MCTP1: variants seen among roughly 807,000 people sequenced by gnomAD.
MCTP1 encodes multiple C2 and transmembrane domain-containing protein 1.
In MCTP1, 69 loss-of-function variants were observed where a neutral mutation model predicts 120.6. That is an observed-to-expected ratio of 0.57 (90% CI 0.47 to 0.70). The LOEUF is 0.70. Ranked by LOEUF, MCTP1 falls within the 30% of genes least tolerant of loss-of-function variation. The pLI is 0.00. For synonymous variants in MCTP1, 529 were observed against 493.1 expected, an observed-to-expected ratio of 1.07 and a Z score of -0.96; for missense variants, 1,203 against 1,248.8, an observed-to-expected ratio of 0.96 and a Z score of 0.55.
chr5:95,165,188 CTG>C (rs1384796067), intron 1 of MCTP1, among the ~76,000 whole-genome samples: 1 of 152,118 alleles, frequency 6.6e-6, no homozygotes, highest in Admixed American at 6.5e-5. Flanking sequence ...GGTGAAAAGT[CTG>C]TGCCTCAGCA....
chr5:95,095,940 G>C (rs945668765), intron 1 of MCTP1, among the ~76,000 whole-genome samples: 2 of 152,114 alleles, frequency 1.3e-5, no homozygotes, highest in Non-Finnish European at 1.5e-5. Flanking sequence ...TGGCCCTGAG[G>C]GGGAAACGAG....
At chr5:95,205,021 G>A (rs565537283) in intron 1 of MCTP1, among the ~76,000 whole-genome samples, 5 of 152,132 alleles carry the variant, frequency 3.3e-5, no homozygotes, top group African/African-American at 1.2e-4. Flanking sequence ...AAAGGAACCA[G>A]AATAGCCAAA....
At chr5:94,849,761 G>A (rs953747181) in intron 17 of MCTP1, among the ~76,000 whole-genome samples, 1 of 152,000 alleles carries the variant, frequency 6.6e-6, no homozygotes, top group African/African-American at 2.4e-5. Flanking sequence ...AGAAATAAAG[G>A]TGCTTTTTGG....
At chr5:95,249,554 C>T (rs999582234) in intron 1 of MCTP1, among the ~76,000 whole-genome samples, 10 of 151,930 alleles carry the variant, frequency 6.6e-5, no homozygotes, top group African/African-American at 1.5e-4. Context: ...TTTTCACTGT[C>T]GGTGGGAGTG....
chr5:94,819,754 C>T (rs1690126048), intron 17 of MCTP1, among the ~76,000 whole-genome samples: 1 of 152,184 alleles, frequency 6.6e-6, no homozygotes, highest in Admixed American at 6.5e-5. Context: ...AAAATTTTAC[C>T]TAACAGCAGG....
chr5:94,806,429 A>G (rs1427229011), intron 17 of MCTP1, among the ~76,000 whole-genome samples: 1 of 152,220 alleles, frequency 6.6e-6, no homozygotes, highest in Non-Finnish European at 1.5e-5. Context: ...TCCAAATTTT[A>G]AGATTTTTAT....
rs1343258058 is a variant in MCTP1 at position 94,705,670 on chromosome 5, A to G, written c.*1826T>C. ...TGTTAATGGTTACTATCCACTAGAT[A>G]CATCTGAGGTTGTAGAATATCAGGC... On this transcript the variant is annotated 3_prime_UTR_variant, in exon 23 of 23. Transcript: ENST00000515393. 1 of 151,676 alleles carries G rather than the reference A, an allele frequency of 6.6e-6. No homozygotes were observed. The highest frequency in any genetic ancestry group is 1.5e-5 in the Non-Finnish European group (1 of 67,746). The allele number at this position is 151,676 out of a possible 1,614,324, so 9.4% of individuals were successfully genotyped here.
intron 17 of MCTP1, among the ~76,000 whole-genome samples, chr5:94,845,089 C>T (rs909595457): frequency 1.3e-5 from 2 of 152,060 alleles, no homozygotes; most frequent in African/African-American, 2.4e-5. Context: ...GACAAAAGAT[C>T]GAATATCCAG....
chr5:95,019,848 C>T (rs1223315104), intron 1 of MCTP1, among the ~76,000 whole-genome samples: 1 of 151,954 alleles, frequency 6.6e-6, no homozygotes, highest in Non-Finnish European at 1.5e-5. Flanking sequence ...CAGAAGATTC[C>T]AACTTGGAAA....
intron 12 of MCTP1, among the ~76,000 whole-genome samples, chr5:94,881,894 T>C (rs558807787): frequency 6.6e-6 from 1 of 152,190 alleles, no homozygotes; most frequent in African/African-American, 2.4e-5. Flanking sequence ...TTAGTCAATG[T>C]CCTTCTTTAA....
intron 1 of MCTP1, among the ~76,000 whole-genome samples, chr5:95,234,561 A>G (rs1175027069): frequency 6.6e-6 from 1 of 152,210 alleles, no homozygotes; most frequent in Middle Eastern, 3.2e-3. Flanking sequence ...CAACGCAGTT[A>G]TTGCTGTGAG....
intron 1 of MCTP1, among the ~76,000 whole-genome samples, chr5:95,221,725 A>G (rs1753720627): frequency 6.6e-6 from 1 of 152,210 alleles, no homozygotes; most frequent in South Asian, 2.1e-4. Flanking sequence ...TGTTGAGGTG[A>G]CAGACAATAG....
intron 11 of MCTP1, among the ~76,000 whole-genome samples, chr5:94,893,410 C>G (rs1313728117): frequency 6.6e-6 from 1 of 152,166 alleles, no homozygotes; most frequent in Non-Finnish European, 1.5e-5. Context: ...GTGGATACCA[C>G]AGTGTAAAAT....
At chr5:94,947,593 G>T (rs866328980) in intron 3 of MCTP1, among the ~76,000 whole-genome samples, 1,381 of 72,736 alleles carry the variant, frequency 0.019, 35 homozygotes, top group Middle Eastern at 0.044. Flanking sequence ...GAGAGAGAGA[G>T]AGAGAGAGAG....
At chr5:95,026,703 T>C (rs1360740870) in intron 1 of MCTP1, among the ~76,000 whole-genome samples, 2 of 152,162 alleles carry the variant, frequency 1.3e-5, no homozygotes, top group African/African-American at 4.8e-5. Flanking sequence ...TTCTAGGGAA[T>C]TTCCTGGTGT....
At chr5:94,791,112 CAAAAAAAAAAA>C (rs60394333) in intron 18 of MCTP1, among the ~76,000 whole-genome samples, 8 of 99,662 alleles carry the variant, frequency 8.0e-5, no homozygotes, top group Non-Finnish European at 1.1e-4. Context: ...GTCTCTACTA[CAAAAAAAAAAA>C]AAAAAAAAAA....
intron 2 of MCTP1, among the ~76,000 whole-genome samples, chr5:95,008,072 A>C (rs1408256984): frequency 1.3e-5 from 2 of 152,214 alleles, no homozygotes; most frequent in African/African-American, 2.4e-5. Flanking sequence ...TGTGATAAAA[A>C]GTTTCCTTTG....
rs1246070702 is a variant in MCTP1 at position 94,856,116 on chromosome 5, TACACTA to T, written c.2436+12211_2436+12216del. ...CTGGGGAAAATTATATAGTGTTTTA[TACACTA>T]ACACTATGACATTTTTATTAACTCA... is the stretch of plus-strand genomic sequence containing the variant. On this transcript the variant is annotated intron_variant, in intron 17 of 22. Transcript: ENST00000515393. Among the ~76,000 whole-genome samples the T allele has an allele frequency of 5.9e-5, 9 of 151,758 alleles. No homozygotes were observed. In the East Asian group the frequency reaches 7.7e-4, roughly 13 times the overall value.
At chr5:94,949,391 C>A (rs1188348523) in intron 3 of MCTP1, among the ~76,000 whole-genome samples, 1 of 152,122 alleles carries the variant, frequency 6.6e-6, no homozygotes, top group Non-Finnish European at 1.5e-5. Flanking sequence ...CTCCCAGTTT[C>A]TATTCTTACA....
Sources: allele counts gnomAD v4.1 joint callset (sites outside exome capture counted in the v4.1 genomes callset), GRCh38; gene constraint gnomAD v4.1.1; transcripts MANE v1.5; gene names NCBI Gene and HGNC (gene_info 2026-07-23, HGNC 2026-07-21).